The following RARB variants were observed in gnomAD, a reference collection of about 807,000 sequenced individuals.
RARB encodes retinoic acid receptor beta.
In RARB, 17 loss-of-function variants were observed where a neutral mutation model predicts 51.9. That is an observed-to-expected ratio of 0.33 (90% CI 0.22 to 0.49). The LOEUF is 0.49. Among genes scored for constraint, RARB ranks in the 20% least tolerant of loss-of-function variants. The pLI is 0.99. For missense variants in RARB, 369 were observed against 550.8 expected (o/e 0.67, Z 3.30); for synonymous variants, 215 against 195.4 (o/e 1.10, Z -0.84).
chr3:25,277,151 T>C (rs994234364), intron 5 of RARB, among the ~76,000 whole-genome samples: 1 of 152,152 alleles, frequency 6.6e-6, no homozygotes, highest in Non-Finnish European at 1.5e-5. Context: ...GCTCAAACCT[T>C]CAAGGCATGA....
chr3:25,286,360 T>C (rs1703656498), intron 5 of RARB, among the ~76,000 whole-genome samples: 1 of 152,182 alleles, frequency 6.6e-6, no homozygotes, highest in South Asian at 2.1e-4. Flanking sequence ...AGTGCTGGGA[T>C]TACAGGCGTG....
chr3:25,200,935 G>T (rs1433267241), intron 5 of RARB, among the ~76,000 whole-genome samples: 1 of 152,104 alleles, frequency 6.6e-6, no homozygotes, highest in African/African-American at 2.4e-5. Flanking sequence ...GCTCTTTTTT[G>T]GTTCCATATG....
chr3:25,349,399 T>C (rs1330131136), intron 5 of RARB, among the ~76,000 whole-genome samples: 3 of 152,110 alleles, frequency 2.0e-5, no homozygotes, highest in Non-Finnish European at 4.4e-5. Context: ...CCAGGGTGGG[T>C]ATTGTCACTT....
chr3:25,593,733 T>A (rs752338573), intron 6 of RARB, 26 bp downstream of exon 6: 2 of 1,595,370 alleles, frequency 1.3e-6, no homozygotes, highest in East Asian at 2.2e-5. Flanking sequence ...AAAAGCCTCA[T>A]GAAATTCCAT....
chr3:25,268,165 C>T (rs538734554), intron 5 of RARB, among the ~76,000 whole-genome samples: 4 of 152,310 alleles, frequency 2.6e-5, no homozygotes, highest in Admixed American at 2.0e-4. Context: ...TTTAACAGCT[C>T]TCAGCGGTAG....
At chr3:25,295,813 C>A (rs528470650) in intron 5 of RARB, among the ~76,000 whole-genome samples, 2 of 152,272 alleles carry the variant, frequency 1.3e-5, no homozygotes, top group South Asian at 4.2e-4. Context: ...TAAGGCAGAT[C>A]ACCAACAGCA....
chr3:25,083,609 C>T (rs189697953), intron 3 of RARB, among the ~76,000 whole-genome samples: 381 of 152,194 alleles, frequency 2.5e-3, no homozygotes, highest in African/African-American at 9.0e-3. Flanking sequence ...TTCACTAATT[C>T]TAACGTTTCT....
chr3:25,325,549 G>A (rs1156574588), intron 5 of RARB, among the ~76,000 whole-genome samples: 4 of 149,662 alleles, frequency 2.7e-5, no homozygotes, highest in Non-Finnish European at 5.9e-5. Flanking sequence ...ATACCCCCCA[G>A]GCACTTCATT....
chr3:25,200,822 C>T (rs1446679205), intron 5 of RARB, among the ~76,000 whole-genome samples: 2 of 152,076 alleles, frequency 1.3e-5, no homozygotes, highest in South Asian at 4.1e-4. Context: ...GGTACCAGTA[C>T]CATACTGTTT....
chr3:25,201,787 G>C (rs867921287), intron 5 of RARB, among the ~76,000 whole-genome samples: 5 of 152,164 alleles, frequency 3.3e-5, no homozygotes, highest in Admixed American at 1.3e-4. Flanking sequence ...AAGCCCACTT[G>C]ATCGTGGTGG....
chr3:25,411,351 T>G (rs144164755), intron 5 of RARB, among the ~76,000 whole-genome samples: 29 of 152,318 alleles, frequency 1.9e-4, no homozygotes, highest in Middle Eastern at 3.4e-3. Context: ...AAAACAACTC[T>G]TGGTAAAATT....
intron 2 of RARB, among the ~76,000 whole-genome samples, chr3:24,978,714 A>ATT (rs551997715): frequency 0.012 from 1,803 of 146,266 alleles, 28 homozygotes; most frequent in Admixed American, 0.034. Context: ...TCCTGGATTG[A>ATT]TTTTTTTTTT....
At chr3:25,385,251 T>G (rs1706758221) in intron 5 of RARB, among the ~76,000 whole-genome samples, 1 of 152,178 alleles carries the variant, frequency 6.6e-6, no homozygotes, top group African/African-American at 2.4e-5. Context: ...TTGCCAAAGA[T>G]CCACAGAAAG....
At chr3:25,358,970 G>C (rs961565675) in intron 5 of RARB, among the ~76,000 whole-genome samples, 1 of 151,790 alleles carries the variant, frequency 6.6e-6, no homozygotes, top group African/African-American at 2.4e-5. Flanking sequence ...GCCAGGTTTT[G>C]GTATCAGGAT....
At chr3:24,998,234 T>C (rs917043469) in intron 2 of RARB, among the ~76,000 whole-genome samples, 7 of 151,984 alleles carry the variant, frequency 4.6e-5, no homozygotes, top group Non-Finnish European at 1.0e-4. Flanking sequence ...CTTTGGCTGC[T>C]CTTACCTCTC....
chr3:25,221,357 A>G (rs990031101), intron 5 of RARB, among the ~76,000 whole-genome samples: 2 of 152,230 alleles, frequency 1.3e-5, no homozygotes, highest in Non-Finnish European at 2.9e-5. Flanking sequence ...AGGTAGCTTT[A>G]TGTCTTACAT....
intron 2 of RARB, among the ~76,000 whole-genome samples, chr3:24,910,742 C>T (rs1694974383): frequency 6.6e-6 from 1 of 152,082 alleles, no homozygotes; most frequent in South Asian, 2.1e-4. Context: ...TCATTATAGT[C>T]AACCCGATGC....
At chr3:25,059,110 A>G (rs1008482146) in intron 2 of RARB, among the ~76,000 whole-genome samples, 1 of 151,742 alleles carries the variant, frequency 6.6e-6, no homozygotes, top group Non-Finnish European at 1.5e-5. Context: ...ATCATTTTCC[A>G]CATTTTGGAG....
In RARB at chr3:25,428,740, C is replaced by G. The variant is rs1225742853; in HGVS notation, c.9C>G (p.Asp3Glu). ...TCAGTGCAAGGGAGATCATGTTTGA[C>G]TGTATGGATGTTCTGTCAGTGAGTC... MF[D>E]CMDVLSVSPG... Residue 3 changes from aspartate to glutamate, a missense_variant, in exon 1 of 8, where the codon GAC (aspartate) becomes GAG (glutamate). Physicochemically the swap from Asp to Glu is conservative, Grantham distance 45 (BLOSUM62 2). Coordinates refer to ENST00000330688, the MANE Select transcript of RARB (RefSeq NM_000965.5). The G allele has an allele frequency of 1.9e-6, 3 of 1,613,728 alleles. No individual in the cohort carries two copies. Among genetic ancestry groups the G allele is most frequent in the Non-Finnish European group, 2.5e-6 (3 of 1,179,810 alleles).
Sources: allele counts gnomAD v4.1 joint callset (sites outside exome capture counted in the v4.1 genomes callset), GRCh38; gene constraint gnomAD v4.1.1; transcripts MANE v1.5; gene names NCBI Gene and HGNC (gene_info 2026-07-23, HGNC 2026-07-21).